DYTN: variants seen among roughly 807,000 people sequenced by gnomAD.
The protein encoded by DYTN is dystrotelin.
A neutral mutation model predicts 69.6 loss-of-function variants in DYTN; 75 were observed. That is an observed-to-expected ratio of 1.08 (90% CI 0.89 to 1.31). The LOEUF (loss-of-function observed/expected upper bound fraction) is 1.31. Ranked by LOEUF, DYTN falls within the 50% of genes most tolerant of loss-of-function variation. The pLI is 0.00. For synonymous variants in DYTN, 252 were observed against 249.1 expected (o/e 1.01, Z -0.11); for missense variants, 726 against 688.4 (o/e 1.05, Z -0.61).
At chr2:206,669,014 G>C (rs9751916) in intron 9 of DYTN, among the ~76,000 whole-genome samples, 63,134 of 152,056 alleles carry the variant, frequency 0.42, 13,885 homozygotes, top group African/African-American at 0.55. Flanking sequence ...AATTAAACCT[G>C]TTTGCTTTAT....
At chr2:206,672,200 G>T (rs557441985) in intron 9 of DYTN, among the ~76,000 whole-genome samples, 1 of 152,060 alleles carries the variant, frequency 6.6e-6, no homozygotes, top group South Asian at 2.1e-4. Flanking sequence ...CTTCTTATAC[G>T]TCAAACAGAT....
Position 206,704,883 on chromosome 2 carries a change from G to A in DYTN, c.443C>T (p.Thr148Ile), listed in dbSNP as rs1700010012. ...TAGTAGTTTTCTCAAAACCCTTCGAGTCATGCGTGGCCCAGAATCATAGCC... is the reference window on the plus strand; with the variant it reads ...TAGTAGTTTTCTCAAAACCCTTCGAATCATGCGTGGCCCAGAATCATAGCC... ...RGGYDSGPRM[T>I]RRVLRKLLTD... The change falls in exon 5 of 12, where the codon ACT becomes ATT. Residue 148 changes from threonine (T) to isoleucine (I), a missense_variant. By Grantham distance (89) the Thr-to-Ile change is moderately conservative. Coordinates refer to ENST00000452335, the MANE Select transcript of DYTN (RefSeq NM_001093730.1). 5 of 1,613,844 alleles carry A rather than the reference G, an allele frequency of 3.1e-6. No individual in the cohort carries two copies. Among genetic ancestry groups the A allele is most frequent in the Non-Finnish European group, 4.2e-6 (5 of 1,179,834 alleles).
rs192646204 is a variant in DYTN at position 206,701,514 on chromosome 2, T to G, written c.484-1298A>C. On this transcript the variant is annotated intron_variant, in intron 5 of 11. Transcript: ENST00000452335. ...ACATGAATGAACCTAGAGGACAATATGCTAAATGAAATAAGCCAGGCACAG... is the reference window on the plus strand; with the variant it reads ...ACATGAATGAACCTAGAGGACAATAGGCTAAATGAAATAAGCCAGGCACAG... 1.1e-3 allele frequency among the ~76,000 whole-genome samples: 175 copies of G among 152,326 alleles called. 1 individual carries two copies. Among genetic ancestry groups the G allele is most frequent in the Non-Finnish European group, 5.3e-4 (36 of 68,030 alleles).
At chr2:206,671,149 G>A (rs1453828464) in intron 9 of DYTN, among the ~76,000 whole-genome samples, 1 of 152,074 alleles carries the variant, frequency 6.6e-6, no homozygotes, top group Non-Finnish European at 1.5e-5. Context: ...GGCTCCTGGG[G>A]CACCATGTTC....
chr2:206,675,463 T>C (rs1308336388), intron 9 of DYTN, among the ~76,000 whole-genome samples: 1 of 151,684 alleles, frequency 6.6e-6, no homozygotes, highest in East Asian at 1.9e-4. Context: ...CAAAAAGCCA[T>C]AGCTTTCCAA....
chr2:206,690,004 G>C (rs1180724400), intron 9 of DYTN, among the ~76,000 whole-genome samples: 1 of 152,174 alleles, frequency 6.6e-6, no homozygotes, highest in Non-Finnish European at 1.5e-5. Flanking sequence ...ACATTATAGA[G>C]AGGGGCACAG....
At chr2:206,707,649 T>G in intron 2 of DYTN, 146 bp from the exon 3 acceptor site, 1 of 769,106 alleles carries the variant, frequency 1.3e-6, no homozygotes, top group Non-Finnish European at 2.1e-6. Context: ...GACTACTATT[T>G]GGACATATAT....
At chr2:206,682,068 T>G (rs1699756274) in intron 9 of DYTN, among the ~76,000 whole-genome samples, 1 of 152,206 alleles carries the variant, frequency 6.6e-6, no homozygotes, top group South Asian at 2.1e-4. Flanking sequence ...GTTATTGGTC[T>G]ATTTAGGGTT....
chr2:206,675,102 A>C (rs1431367718), intron 9 of DYTN, among the ~76,000 whole-genome samples: 2 of 127,206 alleles, frequency 1.6e-5, no homozygotes, highest in Non-Finnish European at 3.3e-5. Context: ...GAGGGGAAAA[A>C]ACATATATAT....
At chr2:206,694,601 C>T (rs968116103) in intron 8 of DYTN, among the ~76,000 whole-genome samples, 165 bp downstream of exon 8, 9 of 152,086 alleles carry the variant, frequency 5.9e-5, no homozygotes, top group Non-Finnish European at 7.4e-5. Context: ...ATCATACTTA[C>T]GTTGGGAGAT....
rs894329430 is a variant in DYTN, at chr2:206,710,495, T to C, written c.94+29A>G. ...CATCGCACATCAAGCTCAGATTATT[T>C]CAAATATTTCAGGAGAGCCTATACT... On this transcript the variant is annotated intron_variant, in intron 2 of 11. Transcript: ENST00000452335. 3.1e-6 allele frequency: 5 copies of C among 1,588,864 alleles called. No homozygotes were observed. The African/African-American group carries it at 6.8e-5, about 21-fold the overall frequency.
chr2:206,691,141 G>A (rs1272917650), intron 9 of DYTN, among the ~76,000 whole-genome samples: 3 of 152,078 alleles, frequency 2.0e-5, no homozygotes, highest in Admixed American at 6.6e-5. Context: ...GGCCGGGCAC[G>A]GTGGCTCACA....
At chr2:206,705,974 T>C (rs1045247940) in intron 3 of DYTN, 101 bp from the exon 4 acceptor site, 126 of 1,354,384 alleles carry the variant, frequency 9.3e-5, no homozygotes, top group Non-Finnish European at 1.2e-4. Flanking sequence ...ATTTCTGATA[T>C]GGTGCTATAA....
intron 7 of DYTN, among the ~76,000 whole-genome samples, chr2:206,695,304 G>T (rs1410929715): frequency 6.6e-6 from 1 of 152,128 alleles, no homozygotes; most frequent in Admixed American, 6.5e-5. Flanking sequence ...TCAAATTTTG[G>T]CTTGTCTTAA....
chr2:206,671,456 C>T (rs759953280), intron 9 of DYTN, among the ~76,000 whole-genome samples: 2 of 152,224 alleles, frequency 1.3e-5, no homozygotes, highest in African/African-American at 2.4e-5. Flanking sequence ...ACTTAAACAG[C>T]TTCCACGTGC....
In DYTN at chr2:206,695,530, A is replaced by G. The variant is rs112644350; in HGVS notation, c.720-653T>C. On this transcript the variant is annotated intron_variant, in intron 7 of 11. Transcript: ENST00000452335. ...TTTCTTTTTGAGAAATGACAGCCTT[A>G]AATCCCTTTGTGGTCAGAAGGAGCG... is the stretch of plus-strand genomic sequence containing the variant. Among the ~76,000 whole-genome samples the G allele has an allele frequency of 6.4e-3, 977 of 152,332 alleles. 4 individuals are homozygous for G. The highest frequency in any genetic ancestry group is 0.011 in the African/African-American group (463 of 41,570).
chr2:206,660,425 C>T (rs2105887358), intron 11 of DYTN, among the ~76,000 whole-genome samples: 1 of 152,306 alleles, frequency 6.6e-6, no homozygotes, highest in Middle Eastern at 3.4e-3. Flanking sequence ...AAAGCTACTA[C>T]ATCTGTGAGG....
intron 9 of DYTN, among the ~76,000 whole-genome samples, chr2:206,672,109 T>C (rs1237847758): frequency 1.3e-5 from 2 of 152,210 alleles, no homozygotes; most frequent in Non-Finnish European, 1.5e-5. Flanking sequence ...TTCAAACAGA[T>C]TACCTCTGGG....
In DYTN at chr2:206,699,727, C is replaced by G. The variant is rs1490803241; in HGVS notation, c.719G>C (p.Arg240Thr). 1 of 1,612,294 alleles carries G rather than the reference C, an allele frequency of 6.2e-7. No homozygotes were observed. Among genetic ancestry groups the G allele is most frequent in the Non-Finnish European group, 8.5e-7 (1 of 1,179,214 alleles). ...LCRTFPITGL[R>T]YRCLKCLNFD... ...CAAGAAATGCTGCTGATGACTGTAC[C>G]TGAGTCCCGTGATTGGGAAAGTCCT... The change falls in exon 7 of 12, where the codon AGA becomes ACA. Residue 240 changes from arginine to threonine, a missense_variant and splice_region_variant. Arg to Thr is a moderately conservative substitution (Grantham distance 71). Transcript: ENST00000452335.
Sources: allele counts gnomAD v4.1 joint callset (sites outside exome capture counted in the v4.1 genomes callset), GRCh38; gene constraint gnomAD v4.1.1; transcripts MANE v1.5; gene names NCBI Gene and HGNC (gene_info 2026-07-23, HGNC 2026-07-21).